MYO5B: variants seen among roughly 807,000 people sequenced by gnomAD.
MYO5B encodes myosin VB.
A neutral mutation model predicts 229.3 loss-of-function variants in MYO5B; 143 were observed. That is an observed-to-expected ratio of 0.62 (90% CI 0.54 to 0.72). The LOEUF (loss-of-function observed/expected upper bound fraction) is 0.72. Ranked by LOEUF, MYO5B falls within the 30% of genes least tolerant of loss-of-function variation. The pLI is 0.00. For synonymous variants in MYO5B, 918 were observed against 885.2 expected, an observed-to-expected ratio of 1.04 and a Z score of -0.66; for missense variants, 2,321 against 2,331.0, an observed-to-expected ratio of 1.00 and a Z score of 0.09.
At chr18:49,904,587 A>T in intron 20 of MYO5B, 85 bp downstream of exon 20, 2 of 1,564,146 alleles carry the variant, frequency 1.3e-6, no homozygotes, top group Non-Finnish European at 1.8e-6. Context: ...GGAGTGCTTG[A>T]CAGAGGTTCA....
intron 8 of MYO5B, among the ~76,000 whole-genome samples, chr18:49,980,810 C>T (rs1311299064): frequency 2.0e-5 from 3 of 147,410 alleles, no homozygotes; most frequent in African/African-American, 7.4e-5. Flanking sequence ...GGTCAAGCTG[C>T]CATTTTAACT....
chr18:49,957,672 C>T (rs11659322), intron 12 of MYO5B, among the ~76,000 whole-genome samples: 26,995 of 106,132 alleles, frequency 0.25, 2,672 homozygotes, highest in Middle Eastern at 0.28. Context: ...CAAAACAAAA[C>T]AAAAAAAGCC....
Position 49,912,186 on chromosome 18 carries a change from C to T in MYO5B, c.2091-13G>A. 6.2e-7 allele frequency: 1 copy of T among 1,606,278 alleles called. No individual in the cohort carries two copies. Among genetic ancestry groups the T allele is most frequent in the Non-Finnish European group, 8.5e-7 (1 of 1,173,358 alleles). Reference sequence around the variant, plus strand: ...ATGGTAGGCCCACCTGGAGGGAAAGCAAAGGGGCATCAGGTGACACATCCT... The same window carrying T: ...ATGGTAGGCCCACCTGGAGGGAAAGTAAAGGGGCATCAGGTGACACATCCT... On this transcript the variant is annotated splice_polypyrimidine_tract_variant and intron_variant, in intron 17 of 39. Coordinates refer to ENST00000285039, the MANE Select transcript of MYO5B (RefSeq NM_001080467.3).
chr18:50,137,177 A>G (rs958139633), intron 1 of MYO5B, among the ~76,000 whole-genome samples: 1 of 152,244 alleles, frequency 6.6e-6, no homozygotes, highest in Admixed American at 6.5e-5. Context: ...CATACAATCA[A>G]AAGGCTCTGC....
At chr18:50,055,158 A>G in intron 2 of MYO5B, 110 bp downstream of exon 2, 2 of 765,520 alleles carry the variant, frequency 2.6e-6, no homozygotes, top group South Asian at 1.5e-5. Flanking sequence ...AAGAGCTCCA[A>G]TGTCCAGGGA....
chr18:49,915,147 T>C (rs16951214), intron 17 of MYO5B, among the ~76,000 whole-genome samples: 7,913 of 152,156 alleles, frequency 0.052, 508 homozygotes, highest in East Asian at 0.15. Flanking sequence ...CCTTTTTTTT[T>C]CCTCTATGTA....
intron 12 of MYO5B, among the ~76,000 whole-genome samples, chr18:49,956,127 G>A (rs2144249961): frequency 6.6e-6 from 1 of 152,348 alleles, no homozygotes. Flanking sequence ...ACAAGGATCA[G>A]TCTCTCCTTT....
chr18:49,937,548 C>A, intron 14 of MYO5B, 151 bp from the exon 15 acceptor site: 2 of 901,574 alleles, frequency 2.2e-6, no homozygotes, highest in Non-Finnish European at 3.4e-6. Context: ...GCGTTACTCC[C>A]AAAAGCGCCA....
Position 49,934,072 on chromosome 18 carries a change from C to T in MYO5B, c.2003+2180G>A, listed in dbSNP as rs536329608. ...AAAATTTTTTGTAGAGGTTGGGTCT[C>T]GCTATATTTCCCAGGCCGCTCTCAA... On this transcript the variant is annotated intron_variant, in intron 16 of 39. Transcript: ENST00000285039. Among the ~76,000 whole-genome samples, 27 of 152,196 alleles carry T rather than the reference C, an allele frequency of 1.8e-4. No homozygotes were observed. The South Asian group carries it at 2.9e-3, about 16-fold the overall frequency.
chr18:50,105,593 T>TA (rs1443665087), intron 1 of MYO5B, among the ~76,000 whole-genome samples: 2 of 152,206 alleles, frequency 1.3e-5, no homozygotes, highest in African/African-American at 4.8e-5. Context: ...GTTGCCAGGT[T>TA]AAATAACTTT....
At chr18:50,155,479 A>G (rs1705510) in intron 1 of MYO5B, among the ~76,000 whole-genome samples, 48,230 of 152,070 alleles carry the variant, frequency 0.32, 8,127 homozygotes, top group Admixed American at 0.45. Context: ...GAGATAAAAA[A>G]CAAAAAAATC....
At chr18:50,019,627 T>G (rs925632972) in intron 4 of MYO5B, among the ~76,000 whole-genome samples, 1 of 152,216 alleles carries the variant, frequency 6.6e-6, no homozygotes, top group Non-Finnish European at 1.5e-5. Context: ...CTTTCTCAGT[T>G]CATGTCAAGA....
chr18:49,963,049 A>T lies in MYO5B; in HGVS notation c.1323-19T>A. 1 of 1,605,066 alleles carries T rather than the reference A, an allele frequency of 6.2e-7. No individual in the cohort carries two copies. The highest frequency in any genetic ancestry group is 8.5e-7 in the Non-Finnish European group (1 of 1,171,754). ...CTCAAACCTACAGAATGGAAAGAGAAGATAAGAGACGTCTCCTTTCAACAA... is the reference window on the plus strand; with the variant it reads ...CTCAAACCTACAGAATGGAAAGAGATGATAAGAGACGTCTCCTTTCAACAA... On this transcript the variant is annotated intron_variant, in intron 10 of 39. Transcript: ENST00000285039.
At chr18:49,842,156 A>G (rs930429923) in intron 34 of MYO5B, among the ~76,000 whole-genome samples, 12 of 152,050 alleles carry the variant, frequency 7.9e-5, no homozygotes, top group Non-Finnish European at 1.5e-4. Flanking sequence ...GGGACATGCT[A>G]TTTTAGCTCA....
chr18:50,084,205 T>C lies in MYO5B; in HGVS notation c.28-28827A>G, dbSNP rs540151960. On this transcript the variant is annotated intron_variant, in intron 1 of 39. Transcript: ENST00000285039. ...ACTCTGTGCTCCTTTAACCCTTTAT[T>C]CAGGATGAATCGAGTATTAATTTTG... Among the ~76,000 whole-genome samples the C allele has an allele frequency of 2.0e-5, 3 of 152,364 alleles. No homozygotes were observed. In the East Asian group the frequency reaches 5.8e-4, roughly 29 times the overall value.
At chr18:49,890,498 T>C (rs1221528601) in intron 22 of MYO5B, among the ~76,000 whole-genome samples, 4 of 152,244 alleles carry the variant, frequency 2.6e-5, no homozygotes, top group South Asian at 4.1e-4. Context: ...ATGAGGCTAA[T>C]ACAGTACCTA....
chr18:50,076,234 C>T (rs1248343449), intron 1 of MYO5B, among the ~76,000 whole-genome samples: 7 of 152,110 alleles, frequency 4.6e-5, no homozygotes, highest in African/African-American at 1.4e-4. Flanking sequence ...CTCAGGAGGC[C>T]GTCAAGATCC....
At chr18:50,157,062 A>T (rs960732888) in intron 1 of MYO5B, among the ~76,000 whole-genome samples, 1 of 151,912 alleles carries the variant, frequency 6.6e-6, no homozygotes, top group African/African-American at 2.4e-5. Flanking sequence ...CCCTCTTTGA[A>T]ATCAACAATG....
At chr18:49,846,080 C>T (rs985006116) in intron 33 of MYO5B, among the ~76,000 whole-genome samples, 3 of 152,174 alleles carry the variant, frequency 2.0e-5, no homozygotes, top group African/African-American at 2.4e-5. Context: ...CCAGGGAGCA[C>T]ATGGGGGTGG....
Sources: allele counts gnomAD v4.1 joint callset (sites outside exome capture counted in the v4.1 genomes callset), GRCh38; gene constraint gnomAD v4.1.1; transcripts MANE v1.5; gene names NCBI Gene and HGNC (gene_info 2026-07-23, HGNC 2026-07-21).